Variants in MROH9 observed in about 807,000 individuals in gnomAD.
MROH9 encodes the protein maestro heat-like repeat-containing protein family member 9.
MROH9 carries 92 observed loss-of-function variants against 98.2 expected under a neutral mutation model. That is an observed-to-expected ratio of 0.94 (90% CI 0.79 to 1.11). The LOEUF (loss-of-function observed/expected upper bound fraction) is 1.11, where lower values mean the gene tolerates loss of function less well. Ranked by LOEUF, MROH9 falls within the 50% of genes most tolerant of loss-of-function variation. The pLI, the probability that MROH9 is intolerant of heterozygous loss-of-function variation, is 0.00. For missense variants in MROH9, 1,057 were observed against 1,014.8 expected (o/e 1.04, Z -0.57); for synonymous variants, 397 against 368.9 (o/e 1.08, Z -0.87).
At chr1:171,053,685 A>G (rs1423804416) in intron 20 of MROH9, among the ~76,000 whole-genome samples, 1 of 152,232 alleles carries the variant, frequency 6.6e-6, no homozygotes, top group East Asian at 1.9e-4. Context: ...AATAAATATG[A>G]TTAATGTATT....
chr1:171,052,039 T>G (rs1172970989), intron 20 of MROH9, among the ~76,000 whole-genome samples: 1 of 152,172 alleles, frequency 6.6e-6, no homozygotes, highest in Non-Finnish European at 1.5e-5. Flanking sequence ...TGGACCTTTT[T>G]TTTTTTATTA....
At chr1:171,029,690 G>A (rs746677312) in intron 20 of MROH9, among the ~76,000 whole-genome samples, 3 of 152,076 alleles carry the variant, frequency 2.0e-5, no homozygotes, top group Admixed American at 6.6e-5. Context: ...TCCTAGATTC[G>A]ATTTGTCAGT....
chr1:170,992,458 C>A, intron 12 of MROH9, 129 bp downstream of exon 12: 1 of 939,384 alleles, frequency 1.1e-6, no homozygotes, highest in South Asian at 1.8e-5. Flanking sequence ...TCATGCAACA[C>A]ATATTTATTG....
At position 170,996,517 on chromosome 1, in the gene MROH9, G is replaced by C; in HGVS notation, c.1348G>C (p.Asp450His). The C allele has an allele frequency of 6.2e-7, 1 of 1,613,264 alleles. No individual in the cohort carries two copies. The highest frequency in any genetic ancestry group is 8.5e-7 in the Non-Finnish European group (1 of 1,179,520). Residue 450 changes from aspartate (D) to histidine (H), a missense_variant, in exon 14 of 22, where the codon GAT (aspartate) becomes CAT (histidine). Asp to His is a moderately conservative substitution (Grantham distance 81). Coordinates refer to ENST00000367759, the MANE Select transcript of MROH9 (RefSeq NM_001163629.2). ...CTTTTGGGGCTTTAGGTATGCCCAG[G>C]ATGCCCTGAGAGTTCTGCTGAATTG... The part of the protein sequence containing the change: ...ILKDRALYAQ[D>H]ALRVLLNCSG...
At chr1:170,978,758 G>C (rs1049705089) in intron 8 of MROH9, among the ~76,000 whole-genome samples, 1 of 152,158 alleles carries the variant, frequency 6.6e-6, no homozygotes, top group Non-Finnish European at 1.5e-5. Flanking sequence ...GCCCTGTCTG[G>C]TGAGGAGAAG....
rs953815626 is a variant in MROH9 at position 171,060,248 on chromosome 1, T to C, written c.2282-1884T>C. Among the ~76,000 whole-genome samples the C allele has an allele frequency of 2.6e-5, 4 of 152,168 alleles. No individual in the cohort carries two copies. The South Asian group carries it at 6.2e-4, about 24-fold the overall frequency. On this transcript the variant is annotated intron_variant, in intron 20 of 21. Transcript: ENST00000367759. ...ACTAAGAAATGTTGCACAAAATGAA[T>C]ACACATAAAACAGGGAAACATACAG...
chr1:170,996,600 A>G lies in MROH9; in HGVS notation c.1431A>G (p.Leu477=), dbSNP rs1210940508. ...TLMKENFWDQ[L]SEDLCYYHGV... is the part of the protein sequence containing the mutation. ...TGAAGGAGAATTTCTGGGACCAGTT[A>G]TCTGAAGATCTGTGTTACTATCATG... The change falls in exon 14 of 22, where the codon TTA becomes TTG. Residue 477 remains leucine, a synonymous_variant. Transcript: ENST00000367759. The G allele has an allele frequency of 6.2e-7, 1 of 1,613,634 alleles. No individual in the cohort carries two copies. The highest frequency in any genetic ancestry group is 1.3e-5 in the African/African-American group (1 of 75,012).
At chr1:171,034,044 T>A (rs865811033) in intron 20 of MROH9, among the ~76,000 whole-genome samples, 7 of 152,042 alleles carry the variant, frequency 4.6e-5, no homozygotes, top group Admixed American at 1.3e-4. Flanking sequence ...ACAAAAAAAA[T>A]TACCTACAAA....
chr1:170,971,209 G>C (rs777503735), intron 7 of MROH9, among the ~76,000 whole-genome samples: 1 of 152,094 alleles, frequency 6.6e-6, no homozygotes, highest in Non-Finnish European at 1.5e-5. Flanking sequence ...GAAATATTTT[G>C]GTAGTAGCTT....
chr1:170,997,136 T>C (rs1651613138), intron 14 of MROH9, among the ~76,000 whole-genome samples: 1 of 152,168 alleles, frequency 6.6e-6, no homozygotes, highest in South Asian at 2.1e-4. Flanking sequence ...TTTCTGATTG[T>C]AGGGATCAGA....
chr1:171,041,408 T>TACAA (rs1653298469), intron 20 of MROH9, among the ~76,000 whole-genome samples: 1 of 102,972 alleles, frequency 9.7e-6, no homozygotes, highest in African/African-American at 3.4e-5. Flanking sequence ...TCAAGATACA[T>TACAA]ACACACACAC....
chr1:171,031,473 C>A (rs1391966353), intron 20 of MROH9, among the ~76,000 whole-genome samples: 1 of 152,050 alleles, frequency 6.6e-6, no homozygotes, highest in Non-Finnish European at 1.5e-5. Context: ...GCAATGCAGG[C>A]CTGGTAATAA....
chr1:170,959,941 C>T (rs6682758), intron 5 of MROH9, among the ~76,000 whole-genome samples: 12,167 of 152,182 alleles, frequency 0.08, 626 homozygotes, highest in Non-Finnish European at 0.11. Flanking sequence ...CAAACATCTG[C>T]GGTCTCCATT....
intron 9 of MROH9, among the ~76,000 whole-genome samples, chr1:170,984,829 C>T (rs1651068661): frequency 6.6e-6 from 1 of 152,102 alleles, no homozygotes; most frequent in South Asian, 2.1e-4. Context: ...AGCTGGAAAA[C>T]CTGGAGTTGG....
chr1:170,996,284 C>T (rs925971689), intron 13 of MROH9, among the ~76,000 whole-genome samples: 5 of 152,130 alleles, frequency 3.3e-5, no homozygotes, highest in Non-Finnish European at 5.9e-5. Flanking sequence ...AGGTGTTCTG[C>T]GATTGATGCT....
intron 20 of MROH9, among the ~76,000 whole-genome samples, chr1:171,041,319 C>CT (rs1437413489): frequency 7.5e-6 from 1 of 133,352 alleles, no homozygotes; most frequent in Non-Finnish European, 1.6e-5. Flanking sequence ...TTATTCAATT[C>CT]TTTTTTATGG....
chr1:170,969,423 T>C (rs1055417826), intron 7 of MROH9, among the ~76,000 whole-genome samples: 10 of 152,292 alleles, frequency 6.6e-5, no homozygotes, highest in South Asian at 2.1e-4. Context: ...AAACAAGAAA[T>C]AAAAGTATTA....
chr1:170,952,759 A>G (rs1649606476), intron 3 of MROH9, among the ~76,000 whole-genome samples: 3 of 150,868 alleles, frequency 2.0e-5, no homozygotes, highest in Non-Finnish European at 4.4e-5. Flanking sequence ...TAAAAAATAT[A>G]TATATATATA....
intron 15 of MROH9, among the ~76,000 whole-genome samples, chr1:171,006,885 T>C (rs931491082): frequency 6.6e-6 from 1 of 152,128 alleles, no homozygotes; most frequent in Non-Finnish European, 1.5e-5. Flanking sequence ...TATTTAGTTG[T>C]CCATCAGTGT....
Sources: gnomAD v4.1 joint callset for allele counts (sites outside exome capture counted in the v4.1 genomes callset) on GRCh38, gnomAD v4.1.1 for gene constraint, MANE v1.5 for transcripts, NCBI Gene and HGNC (gene_info 2026-07-23, HGNC 2026-07-21) for gene names.